The following GRID2 variants were observed in gnomAD, a reference collection of about 807,000 sequenced individuals.
GRID2 encodes glutamate ionotropic receptor delta type subunit 2.
GRID2 carries 33 observed loss-of-function variants against 114.8 expected under a neutral mutation model. The observed-to-expected ratio is 0.29, with a 90% CI of 0.22 to 0.38. The LOEUF is 0.38. Ranked by LOEUF, GRID2 falls within the 10% of genes least tolerant of loss-of-function variation. GRID2 has a pLI of 1.00. For missense variants in GRID2, 1,184 were observed against 1,257.7 expected, an observed-to-expected ratio of 0.94 and a Z score of 0.89; for synonymous variants, 505 against 449.9, an observed-to-expected ratio of 1.12 and a Z score of -1.55.
At chr4:93,189,299 C>A (rs900879603) in intron 4 of GRID2, among the ~76,000 whole-genome samples, 1 of 152,114 alleles carries the variant, frequency 6.6e-6, no homozygotes, top group South Asian at 2.1e-4. Context: ...CAACAGATTC[C>A]GTGTCTGATG....
At chr4:92,794,874 T>TTATATATATATATATATATATA (rs34559735) in intron 2 of GRID2, among the ~76,000 whole-genome samples, 14 of 106,028 alleles carry the variant, frequency 1.3e-4, no homozygotes, top group African/African-American at 4.6e-4. Flanking sequence ...AATAATTGTT[T>TTATATATATATATATATATATA]TATATATATA....
intron 2 of GRID2, among the ~76,000 whole-genome samples, chr4:92,901,076 G>A (rs967658917): frequency 2.6e-5 from 4 of 151,828 alleles, no homozygotes; most frequent in Non-Finnish European, 4.4e-5. Flanking sequence ...TTTTTTTAGC[G>A]GGGGGATTAG....
chr4:93,768,313 C>T, intron 14 of GRID2, among the ~76,000 whole-genome samples: 1 of 152,172 alleles, frequency 6.6e-6, no homozygotes, highest in African/African-American at 2.4e-5. Flanking sequence ...GTCTGATCTT[C>T]CTTGCCCTGT....
At chr4:93,419,394 A>G (rs926982021) in intron 9 of GRID2, among the ~76,000 whole-genome samples, 3 of 152,052 alleles carry the variant, frequency 2.0e-5, no homozygotes, top group Non-Finnish European at 4.4e-5. Context: ...GTATTACTGC[A>G]GAGAAGGAAC....
intron 2 of GRID2, among the ~76,000 whole-genome samples, chr4:92,829,324 A>G (rs1273857555): frequency 1.3e-5 from 2 of 152,096 alleles, no homozygotes; most frequent in Non-Finnish European, 2.9e-5. Context: ...GGGCCAACAC[A>G]CATATGCAAA....
chr4:92,956,267 A>G (rs1320499614), intron 2 of GRID2, among the ~76,000 whole-genome samples: 2 of 152,036 alleles, frequency 1.3e-5, no homozygotes, highest in African/African-American at 4.8e-5. Context: ...TAAAGTTAGA[A>G]CTCACTTTTG....
chr4:92,840,914 G>C (rs1742843493), intron 2 of GRID2, among the ~76,000 whole-genome samples: 1 of 151,872 alleles, frequency 6.6e-6, no homozygotes, highest in Non-Finnish European at 1.5e-5. Context: ...TAACTAAATG[G>C]GTTAATTCTG....
intron 2 of GRID2, among the ~76,000 whole-genome samples, chr4:92,591,823 A>G (rs1179271157): frequency 6.6e-6 from 1 of 152,118 alleles, no homozygotes; most frequent in African/African-American, 2.4e-5. Context: ...AACTGTTTTA[A>G]GTAAAAACTG....
intron 7 of GRID2, among the ~76,000 whole-genome samples, chr4:93,236,634 A>G (rs957095922): frequency 1.3e-5 from 2 of 151,940 alleles, no homozygotes; most frequent in Admixed American, 1.3e-4. Flanking sequence ...TGGAGTTCCA[A>G]TTGGCAGGGA....
At chr4:93,408,242 A>C (rs1766728979) in intron 9 of GRID2, among the ~76,000 whole-genome samples, 1 of 152,206 alleles carries the variant, frequency 6.6e-6, no homozygotes, top group Non-Finnish European at 1.5e-5. Context: ...TATCAGTCTC[A>C]GGGAAGATGC....
intron 2 of GRID2, among the ~76,000 whole-genome samples, chr4:92,692,156 T>G (rs1308178807): frequency 6.6e-6 from 1 of 152,124 alleles, no homozygotes; most frequent in Non-Finnish European, 1.5e-5. Context: ...TTTCTCCCAG[T>G]GAAGTTAAAA....
chr4:93,015,853 C>G (rs551695579), intron 2 of GRID2, among the ~76,000 whole-genome samples: 1 of 151,932 alleles, frequency 6.6e-6, no homozygotes, highest in Non-Finnish European at 1.5e-5. Context: ...TTATAGCAGG[C>G]AAACCTCAAC....
chr4:92,586,541 A>G (rs1386240228), intron 1 of GRID2, among the ~76,000 whole-genome samples: 1 of 152,004 alleles, frequency 6.6e-6, no homozygotes, highest in Non-Finnish European at 1.5e-5. Context: ...TAACAGAAGT[A>G]CTGTAGCTTG....
chr4:92,395,693 A>C, intron 1 of GRID2, among the ~76,000 whole-genome samples: 1 of 151,870 alleles, frequency 6.6e-6, no homozygotes, highest in East Asian at 1.9e-4. Flanking sequence ...CTCTAGTTAT[A>C]ATATAATAGC....
chr4:92,596,385 A>G (rs1452077858), intron 2 of GRID2, among the ~76,000 whole-genome samples: 1 of 152,084 alleles, frequency 6.6e-6, no homozygotes, highest in Non-Finnish European at 1.5e-5. Flanking sequence ...GAATTAGTGG[A>G]AGGAGCAAAT....
intron 1 of GRID2, among the ~76,000 whole-genome samples, chr4:92,412,215 T>A (rs1731374102): frequency 6.6e-6 from 1 of 152,114 alleles, no homozygotes; most frequent in African/African-American, 2.4e-5. Context: ...TATCAAGAAG[T>A]AAGCTACATG....
chr4:93,163,386 A>ATACACTATATATATATATATATG (rs1737915706), intron 4 of GRID2, among the ~76,000 whole-genome samples: 15 of 45,290 alleles, frequency 3.3e-4, no homozygotes, highest in African/African-American at 9.0e-4. Context: ...ATATATATAT[A>ATACACTATATATATATATATATG]TATATATATA....
chr4:93,595,331 T>C (rs1738966269), intron 13 of GRID2, among the ~76,000 whole-genome samples: 1 of 152,212 alleles, frequency 6.6e-6, no homozygotes, highest in Admixed American at 6.5e-5. Context: ...TGTGTATGCC[T>C]TCTTTTCATG....
At chr4:93,761,973 A>T (rs550119237) in intron 14 of GRID2, among the ~76,000 whole-genome samples, 7 of 152,190 alleles carry the variant, frequency 4.6e-5, no homozygotes, top group Admixed American at 2.0e-4. Flanking sequence ...TTAAATCTTA[A>T]TCTTTGAGAA....
Sources: gnomAD v4.1 joint callset for allele counts (sites outside exome capture counted in the v4.1 genomes callset) on GRCh38, gnomAD v4.1.1 for gene constraint, MANE v1.5 for transcripts, NCBI Gene and HGNC (gene_info 2026-07-23, HGNC 2026-07-21) for gene names.